FOXP1: variants seen among roughly 807,000 people sequenced by gnomAD.
The protein encoded by FOXP1 is forkhead box P1.
Under a neutral mutation model 98.2 loss-of-function variants are expected in FOXP1, and 15 were observed. The ratio of observed to expected loss-of-function variants is 0.15; its 90% confidence interval spans 0.10 to 0.24. The LOEUF is 0.24. FOXP1 is among the 10% of genes least tolerant of loss of function. The pLI is 1.00. For missense variants in FOXP1, 633 were observed against 848.5 expected, an observed-to-expected ratio of 0.75 and a Z score of 3.15; for synonymous variants, 371 against 314.5, an observed-to-expected ratio of 1.18 and a Z score of -1.90.
intron 3 of FOXP1, among the ~76,000 whole-genome samples, chr3:71,484,003 T>C (rs912568933): frequency 6.6e-6 from 1 of 152,230 alleles, no homozygotes; most frequent in African/African-American, 2.4e-5. Context: ...AGCTCGAATT[T>C]TGGTTCCCCT....
At chr3:71,491,623 T>G (rs1431689266) in intron 3 of FOXP1, among the ~76,000 whole-genome samples, 1 of 152,048 alleles carries the variant, frequency 6.6e-6, no homozygotes, top group Non-Finnish European at 1.5e-5. Context: ...ATTTTTTTTT[T>G]CTCTCTCTCT....
At chr3:71,081,913 A>G (rs2054462078) in intron 7 of FOXP1, among the ~76,000 whole-genome samples, 1 of 152,260 alleles carries the variant, frequency 6.6e-6, no homozygotes, top group South Asian at 2.1e-4. Flanking sequence ...CCTCTAACAT[A>G]TTATCCACAT....
chr3:71,334,545 G>C (rs1018558746), intron 4 of FOXP1: 1 of 152,082 alleles, frequency 6.6e-6, no homozygotes. Flanking sequence ...AAAGGACCCT[G>C]GACACTGAAG....
chr3:71,405,791 C>T (rs990148480), intron 3 of FOXP1, among the ~76,000 whole-genome samples: 2 of 151,878 alleles, frequency 1.3e-5, no homozygotes, highest in African/African-American at 4.8e-5. Context: ...TGCAGTGGCT[C>T]AATCTCGGCT....
At chr3:71,102,830 T>C (rs762382275) in intron 7 of FOXP1, among the ~76,000 whole-genome samples, 26 of 152,266 alleles carry the variant, frequency 1.7e-4, no homozygotes, top group African/African-American at 4.6e-4. Context: ...GATGAAAGCA[T>C]AGACTCTTGA....
At chr3:71,375,410 G>A (rs1420022165) in intron 3 of FOXP1, among the ~76,000 whole-genome samples, 1 of 152,156 alleles carries the variant, frequency 6.6e-6, no homozygotes, top group African/African-American at 2.4e-5. Flanking sequence ...AATGGTATAT[G>A]ATTTTGGTGT....
intron 3 of FOXP1, among the ~76,000 whole-genome samples, chr3:71,424,727 A>C (rs1010583349): frequency 5.9e-5 from 9 of 152,246 alleles, no homozygotes; most frequent in African/African-American, 2.2e-4. Flanking sequence ...TGCCGAGCTG[A>C]AGAAGTGGTC....
intron 5 of FOXP1, among the ~76,000 whole-genome samples, chr3:71,281,055 A>C (rs1427078168): frequency 6.6e-6 from 1 of 150,492 alleles, no homozygotes; most frequent in East Asian, 1.9e-4. Flanking sequence ...AAAAAAAAAA[A>C]AAAAAAGAAG....
intron 3 of FOXP1, among the ~76,000 whole-genome samples, chr3:71,414,551 C>A (rs1486987095): frequency 6.6e-6 from 1 of 152,210 alleles, no homozygotes; most frequent in Non-Finnish European, 1.5e-5. Flanking sequence ...GGTCTCACTT[C>A]CAATTATTAA....
At chr3:71,492,898 C>T (rs2091161723) in intron 3 of FOXP1, among the ~76,000 whole-genome samples, 1 of 152,064 alleles carries the variant, frequency 6.6e-6, no homozygotes, top group South Asian at 2.1e-4. Flanking sequence ...AATGAATAAC[C>T]TAATGAGGTA....
intron 16 of FOXP1, 97 bp from the exon 17 acceptor site, chr3:70,977,139 G>C: frequency 1.2e-6 from 1 of 840,146 alleles, no homozygotes. Flanking sequence ...GTGATTCAGA[G>C]CTAAATCCTG....
At chr3:70,988,320 C>T (rs560992318) in intron 13 of FOXP1, among the ~76,000 whole-genome samples, 10 of 152,316 alleles carry the variant, frequency 6.6e-5, no homozygotes, top group African/African-American at 1.9e-4. Flanking sequence ...CTGCTGGCAC[C>T]ACGCAGTCCC....
At chr3:71,430,031 C>T (rs549748686) in intron 3 of FOXP1, among the ~76,000 whole-genome samples, 64 of 152,224 alleles carry the variant, frequency 4.2e-4, no homozygotes, top group African/African-American at 1.5e-3. Context: ...TTCCTTTTTC[C>T]TCCATCCAAG....
chr3:71,211,657 A>G (rs571751120), intron 5 of FOXP1, among the ~76,000 whole-genome samples: 1 of 152,234 alleles, frequency 6.6e-6, no homozygotes, highest in Non-Finnish European at 1.5e-5. Context: ...ATAGTTCTAA[A>G]GAGGCCTTGG....
chr3:71,579,600 C>T (rs116550862), intron 2 of FOXP1, among the ~76,000 whole-genome samples: 1,998 of 150,926 alleles, frequency 0.013, 17 homozygotes, highest in Non-Finnish European at 0.02. Flanking sequence ...ACTTCATCAC[C>T]AGAGATTTTT....
intron 4 of FOXP1, among the ~76,000 whole-genome samples, chr3:71,356,404 C>T (rs970457086): frequency 6.6e-6 from 1 of 151,964 alleles, no homozygotes; most frequent in African/African-American, 2.4e-5. Flanking sequence ...AAGGGAATAC[C>T]AGGTGAGGAG....
At chr3:71,180,446 T>A (rs544016114) in intron 6 of FOXP1, among the ~76,000 whole-genome samples, 29 of 151,294 alleles carry the variant, frequency 1.9e-4, no homozygotes, top group South Asian at 4.2e-4. Flanking sequence ...GTAGATGTTT[T>A]AAAAAAAAAT....
intron 6 of FOXP1, among the ~76,000 whole-genome samples, chr3:71,187,113 A>G (rs1328444629): frequency 2.0e-5 from 3 of 152,234 alleles, no homozygotes; most frequent in African/African-American, 7.2e-5. Context: ...AGTGCCTTAT[A>G]CCTAGCCCCT....
At chr3:71,317,380 G>T (rs76374569) in intron 4 of FOXP1, among the ~76,000 whole-genome samples, 1 of 152,080 alleles carries the variant, frequency 6.6e-6, no homozygotes, top group Non-Finnish European at 1.5e-5. Context: ...ATCCACAACC[G>T]CATATTAAAT....
Sources: gnomAD v4.1 joint callset for allele counts (sites outside exome capture counted in the v4.1 genomes callset) on GRCh38, gnomAD v4.1.1 for gene constraint, MANE v1.5 for transcripts, NCBI Gene and HGNC (gene_info 2026-07-23, HGNC 2026-07-21) for gene names.